PTPRD: variants seen among roughly 807,000 people sequenced by gnomAD.
PTPRD encodes the protein receptor-type tyrosine-protein phosphatase delta.
PTPRD carries 34 observed loss-of-function variants against 214.5 expected under a neutral mutation model. The observed-to-expected ratio is 0.16, with a 90% CI of 0.12 to 0.21. PTPRD has a LOEUF of 0.21. Among genes scored for constraint, PTPRD ranks in the 10% least tolerant of loss-of-function variants. The pLI is 1.00. For missense variants in PTPRD, 2,545 were observed against 2,398.7 expected, an observed-to-expected ratio of 1.06 and a Z score of -1.27; for synonymous variants, 1,128 against 845.7, an observed-to-expected ratio of 1.33 and a Z score of -5.79.
At chr9:10,356,611 A>AT (rs1427759523) in intron 2 of PTPRD, among the ~76,000 whole-genome samples, 6 of 151,916 alleles carry the variant, frequency 3.9e-5, no homozygotes, top group Non-Finnish European at 7.4e-5. Flanking sequence ...CTTAAATCTT[A>AT]TTTTTTCCTA....
At position 10,438,008 on chromosome 9, in the gene PTPRD, C is replaced by CATATATAT. The variant is rs71485332; in HGVS notation, c.-599-96999_-599-96992dup. Among the ~76,000 whole-genome samples the CATATATAT allele has an allele frequency of 1.7e-4, 21 of 125,150 alleles. 1 individual carries two copies. In the East Asian group the frequency reaches 1.9e-3, roughly 11 times the overall value. 82.1% of individuals were successfully genotyped at this position (125,150 alleles called of 152,430 possible). On this transcript the variant is annotated intron_variant, in intron 2 of 45. Transcript: ENST00000381196. ...CTGGACTATCAGCTCCCTAAGTCTA[C>CATATATAT]ATATATATATATATATATATAGTGA... is the stretch of plus-strand genomic sequence containing the variant.
At chr9:9,947,166 T>A (rs1193645874) in intron 4 of PTPRD, among the ~76,000 whole-genome samples, 1 of 147,816 alleles carries the variant, frequency 6.8e-6, no homozygotes, top group Non-Finnish European at 1.5e-5. Context: ...GCATATTCAG[T>A]ACAATGAGTA....
At chr9:9,440,307 CTTTGG>C (rs971760429) in intron 8 of PTPRD, among the ~76,000 whole-genome samples, 15 of 152,086 alleles carry the variant, frequency 9.9e-5, no homozygotes, top group Admixed American at 3.3e-4. Flanking sequence ...ATTATTTTTC[CTTTGG>C]TTTGTCCATT....
intron 44 of PTPRD, among the ~76,000 whole-genome samples, chr9:8,324,598 T>A (rs10976953): frequency 0.14 from 21,453 of 152,156 alleles, 1,958 homozygotes; most frequent in East Asian, 0.35. Context: ...TGATTTACAA[T>A]CCTTTGGGTA....
At chr9:8,963,135 T>G (rs1029000503) in intron 11 of PTPRD, 1 of 152,046 alleles carries the variant, frequency 6.6e-6, no homozygotes, top group Non-Finnish European at 1.5e-5. Flanking sequence ...AAGCTAGACA[T>G]AGGAAATGCA....
At chr9:9,212,459 C>T (rs539787532) in intron 9 of PTPRD, among the ~76,000 whole-genome samples, 2 of 152,234 alleles carry the variant, frequency 1.3e-5, no homozygotes, top group Non-Finnish European at 2.9e-5. Flanking sequence ...CTGTTTATAA[C>T]TTGTGATTTT....
At chr9:8,759,510 G>C (rs2094262727) in intron 11 of PTPRD, among the ~76,000 whole-genome samples, 1 of 151,974 alleles carries the variant, frequency 6.6e-6, no homozygotes, top group African/African-American at 2.4e-5. Flanking sequence ...ACAATACACT[G>C]ACTTTACATA....
intron 11 of PTPRD, among the ~76,000 whole-genome samples, chr9:8,836,757 C>T (rs555970475): frequency 6.6e-6 from 1 of 151,446 alleles, no homozygotes; most frequent in South Asian, 2.1e-4. Context: ...CCACCATGTC[C>T]AGCTAATTTT....
intron 10 of PTPRD, among the ~76,000 whole-genome samples, chr9:9,121,184 A>C (rs1358130662): frequency 2.0e-5 from 3 of 152,188 alleles, no homozygotes; most frequent in Non-Finnish European, 2.9e-5. Context: ...TATTTATGGA[A>C]ATGTGACAAA....
intron 8 of PTPRD, among the ~76,000 whole-genome samples, chr9:9,472,472 G>T (rs2094687015): frequency 6.6e-6 from 1 of 151,666 alleles, no homozygotes; most frequent in South Asian, 2.1e-4. Context: ...CAAAGTGCTG[G>T]GATTACAGGC....
chr9:8,713,725 C>A, intron 12 of PTPRD: 1 of 1,505,484 alleles, frequency 6.6e-7, no homozygotes, highest in Non-Finnish European at 9.1e-7. Flanking sequence ...CAAGTGACGC[C>A]GGCAGGCTGT....
chr9:8,331,308 C>CAATT (rs1325341042), intron 44 of PTPRD, among the ~76,000 whole-genome samples: 1 of 152,134 alleles, frequency 6.6e-6, no homozygotes, highest in Non-Finnish European at 1.5e-5. Flanking sequence ...GAGGTACCAA[C>CAATT]AATTCCCATT....
At chr9:8,653,541 C>T (rs928888472) in intron 12 of PTPRD, among the ~76,000 whole-genome samples, 1 of 152,116 alleles carries the variant, frequency 6.6e-6, no homozygotes, top group African/African-American at 2.4e-5. Context: ...TAAGAATCCC[C>T]AGTCTGTTCT....
At chr9:9,551,105 A>G (rs2080114198) in intron 8 of PTPRD, among the ~76,000 whole-genome samples, 1 of 151,990 alleles carries the variant, frequency 6.6e-6, no homozygotes, top group African/African-American at 2.4e-5. Context: ...TTTAATGTAT[A>G]TTCTTGAAAA....
rs1202213288 is a variant in PTPRD, at chr9:8,316,851, C to T, written c.*1023G>A. ...AAGAATAAATGGAAAGAGATGTTTA[C>T]AATAGCTTTTCTACGTTTAAAAAAA... On this transcript the variant is annotated 3_prime_UTR_variant, in exon 46 of 46. Coordinates refer to ENST00000381196, the MANE Select transcript of PTPRD (RefSeq NM_002839.4). 2 of 230,592 alleles carry T rather than the reference C, an allele frequency of 8.7e-6. No individual in the cohort carries two copies. The highest frequency in any genetic ancestry group is 5.7e-5 in the Admixed American group (1 of 17,652). The allele number at this position is 230,592 out of a possible 1,614,324, so 14.3% of individuals were successfully genotyped here. A position where few individuals can be genotyped will look rare whatever the true frequency, so the allele number is the denominator to read the frequency against.
At chr9:10,454,098 C>T (rs776395470) in intron 2 of PTPRD, among the ~76,000 whole-genome samples, 40 of 149,534 alleles carry the variant, frequency 2.7e-4, no homozygotes, top group Non-Finnish European at 5.3e-4. Context: ...TCATTAGAGT[C>T]TGTTTCTATG....
At chr9:8,365,345 GCACAAGTTTCTCCTACC>G (rs2079559231) in intron 39 of PTPRD, among the ~76,000 whole-genome samples, 1 of 152,182 alleles carries the variant, frequency 6.6e-6, no homozygotes, top group South Asian at 2.1e-4. Context: ...AGAGTTAAGA[GCACAAGTTTCTCCTACC>G]CACAAGCTAA....
chr9:9,077,293 G>T (rs967488054), intron 10 of PTPRD, among the ~76,000 whole-genome samples: 4 of 151,698 alleles, frequency 2.6e-5, no homozygotes, highest in African/African-American at 9.7e-5. Context: ...ATGTTTCAAA[G>T]ATGGTTTTAT....
intron 32 of PTPRD, 62 bp from the exon 33 acceptor site, chr9:8,460,633 A>G (rs2096371371): frequency 1.3e-6 from 2 of 1,524,234 alleles, no homozygotes; most frequent in African/African-American, 1.4e-5. Context: ...AGTACCTTTA[A>G]CATTAGAAGA....
Sources: allele counts gnomAD v4.1 joint callset (sites outside exome capture counted in the v4.1 genomes callset), GRCh38; gene constraint gnomAD v4.1.1; transcripts MANE v1.5; gene names NCBI Gene and HGNC (gene_info 2026-07-23, HGNC 2026-07-21).